PPP1R7: variants seen among roughly 807,000 people sequenced by gnomAD.
The protein encoded by PPP1R7 is protein phosphatase 1 regulatory subunit 22.
A neutral mutation model predicts 45.2 loss-of-function variants in PPP1R7; 18 were observed. The observed-to-expected ratio is 0.40, with a 90% CI of 0.28 to 0.59. PPP1R7 has a LOEUF of 0.59. PPP1R7 is among the 20% of genes least tolerant of loss of function. PPP1R7 has a pLI of 0.46. For missense variants in PPP1R7, 314 were observed against 455.8 expected (o/e 0.69, Z 2.83); for synonymous variants, 181 against 183.4 (o/e 0.99, Z 0.11).
upstream of PPP1R7, chr2:241,150,370 C>G (rs2067229646): frequency 2.2e-6 from 3 of 1,335,690 alleles, no homozygotes; most frequent in Non-Finnish European, 2.9e-6. Context: ...GCTGGGCCCA[C>G]GCAGGCGCGG....
chr2:241,149,576 G>A, upstream of PPP1R7: 1 of 1,410,808 alleles, frequency 7.1e-7, no homozygotes, highest in Non-Finnish European at 9.6e-7. Flanking sequence ...CCAGAGTCTA[G>A]AAGCCCGCGC....
At chr2:241,165,037 G>C (rs1355576682) in intron 7 of PPP1R7, among the ~76,000 whole-genome samples, 2 of 152,086 alleles carry the variant, frequency 1.3e-5, no homozygotes, top group Non-Finnish European at 2.9e-5. Flanking sequence ...GACAGAGCGA[G>C]AGTCCATCTC....
chr2:241,157,984 A>G, intron 3 of PPP1R7, 122 bp downstream of exon 3: 1 of 954,716 alleles, frequency 1.0e-6, no homozygotes, highest in Non-Finnish European at 1.6e-6. Flanking sequence ...TGGTTGAGTC[A>G]GAGTCCCGTG....
chr2:241,171,024 T>A (rs969301637), intron 9 of PPP1R7, among the ~76,000 whole-genome samples: 1 of 151,986 alleles, frequency 6.6e-6, no homozygotes, highest in Non-Finnish European at 1.5e-5. Context: ...ACAACAGGAA[T>A]AAGGAGTCCA....
At chr2:241,165,019 G>A (rs984417576) in intron 7 of PPP1R7, among the ~76,000 whole-genome samples, 3 of 152,132 alleles carry the variant, frequency 2.0e-5, no homozygotes, top group Non-Finnish European at 4.4e-5. Flanking sequence ...CTGCACTCCA[G>A]CCTGGGTGAC....
chr2:241,153,494 CTGAAGAATCCGGCGA>C lies in PPP1R7; in HGVS notation c.79_93del (p.Ser27_Glu31del). On this transcript the variant is annotated inframe_deletion, in exon 2 of 10. Transcript: ENST00000234038. ...GGTTCAGTTGACAGGCGGGTCGAGTCTGAAGAATCCGGCGATGAAGAAGGGAAGAAACACAGCAGT... is the reference window on the plus strand; with the variant it reads ...GGTTCAGTTGACAGGCGGGTCGAGTCTGAAGAAGGGAAGAAACACAGCAGT... 1 of 1,614,174 alleles carries C rather than the reference CTGAAGAATCCGGCGA, an allele frequency of 6.2e-7. No individual in the cohort carries two copies. The highest frequency in any genetic ancestry group is 8.5e-7 in the Non-Finnish European group (1 of 1,180,032).
At chr2:241,174,082 C>T (rs2067868171) in intron 9 of PPP1R7, among the ~76,000 whole-genome samples, 1 of 152,126 alleles carries the variant, frequency 6.6e-6, no homozygotes. Flanking sequence ...ACATACTGAA[C>T]TTTATCTGAC....
At chr2:241,150,006 G>C, upstream of PPP1R7, 3 of 1,404,630 alleles carry the variant, frequency 2.1e-6, no homozygotes, top group Non-Finnish European at 2.8e-6. Context: ...TGCTCTTGCC[G>C]TTCGGCCCAT....
chr2:241,169,774 C>T lies in PPP1R7; in HGVS notation c.820-7C>T. ...AATCCAGGAAACATTTTATTTCCTTCTTTTAGAACAAACTCACGATGTTGG... is the reference window on the plus strand; with the variant it reads ...AATCCAGGAAACATTTTATTTCCTTTTTTTAGAACAAACTCACGATGTTGG... On this transcript the variant is annotated splice_polypyrimidine_tract_variant and splice_region_variant and intron_variant, in intron 8 of 9. Coordinates refer to ENST00000234038, the MANE Select transcript of PPP1R7 (RefSeq NM_002712.3). The T allele has an allele frequency of 6.2e-7, 1 of 1,600,386 alleles. No homozygotes were observed. Among genetic ancestry groups the T allele is most frequent in the Non-Finnish European group, 8.6e-7 (1 of 1,167,632 alleles).
chr2:241,163,433 G>A (rs368461449), intron 7 of PPP1R7, 32 bp downstream of exon 7: 333 of 1,481,450 alleles, frequency 2.2e-4, no homozygotes, highest in South Asian at 5.2e-4. Context: ...CCTTCCCTGC[G>A]AGCCCTGGCA....
At chr2:241,178,605 C>T (rs571214560) in intron 9 of PPP1R7, among the ~76,000 whole-genome samples, 43 of 114,188 alleles carry the variant, frequency 3.8e-4, no homozygotes, top group Admixed American at 1.3e-3. Context: ...TACAGGTGCC[C>T]GCCACCACGC....
chr2:241,166,021 G>C (rs544424791), intron 7 of PPP1R7, among the ~76,000 whole-genome samples: 5 of 151,730 alleles, frequency 3.3e-5, no homozygotes, highest in African/African-American at 1.2e-4. Flanking sequence ...TCCTGCCTCA[G>C]CCTCCCGAGT....
intron 8 of PPP1R7, among the ~76,000 whole-genome samples, chr2:241,168,437 G>GC (rs2067758328): frequency 6.6e-6 from 1 of 152,200 alleles, no homozygotes; most frequent in Non-Finnish European, 1.5e-5. Flanking sequence ...AGAGTGCGGG[G>GC]GAGAGCTGCC....
At chr2:241,151,528 A>T (rs1011172216) in intron 1 of PPP1R7, 3 of 471,126 alleles carry the variant, frequency 6.4e-6, no homozygotes, top group African/African-American at 6.0e-5. Context: ...GAATCACTCA[A>T]GACGGAGAAA....
rs1332581410 is a variant in PPP1R7 at position 241,153,530 on chromosome 2, G to A, written c.107G>A (p.Ser36Asn). 1 of 1,614,138 alleles carries A rather than the reference G, an allele frequency of 6.2e-7. No homozygotes were observed. Among genetic ancestry groups the A allele is most frequent in the Admixed American group, 1.7e-5 (1 of 60,004 alleles). ...ESGDEEGKKH[S>N]SGIVADLSEQ... ...GGCGATGAAGAAGGGAAGAAACACA[G>A]CAGTGGCATCGTGGCCGACCTCAGT... Residue 36 changes from serine to asparagine, a missense_variant, in exon 2 of 10, where the codon AGC (serine) becomes AAC (asparagine). By Grantham distance (46) the Ser-to-Asn change is conservative (BLOSUM62 1). Coordinates refer to ENST00000234038, the MANE Select transcript of PPP1R7 (RefSeq NM_002712.3).
Position 241,150,503 on chromosome 2 carries a change from C to T in PPP1R7, c.8C>T (p.Ala3Val). 2 of 1,595,792 alleles carry T rather than the reference C, an allele frequency of 1.3e-6. No individual in the cohort carries two copies. The highest frequency in any genetic ancestry group is 1.7e-6 in the Non-Finnish European group (2 of 1,172,456). Residue 3 changes from alanine (A) to valine (V), a missense_variant, in exon 1 of 10, where the codon GCG becomes GTG. Physicochemically the swap from Ala to Val is moderately conservative, Grantham distance 64. This residue lies in a region of PPP1R7 where 34 missense variants were observed against 26.0 expected (regional missense o/e 1.31). Transcript: ENST00000234038. ...AGGGGAAGAGCAGCCAACATGGCGG[C>T]GGAACGCGGCGCGGGGCAGCAACAG... MA[A>V]ERGAGQQQSQ... is the part of the protein sequence containing the mutation.
chr2:241,155,677 C>T (rs892789324), intron 2 of PPP1R7, among the ~76,000 whole-genome samples: 1 of 152,192 alleles, frequency 6.6e-6, no homozygotes, highest in Non-Finnish European at 1.5e-5. Context: ...AACAAGACCC[C>T]TTAAAGCCAT....
At chr2:241,177,003 G>T (rs560610439) in intron 9 of PPP1R7, among the ~76,000 whole-genome samples, 12 of 152,292 alleles carry the variant, frequency 7.9e-5, no homozygotes, top group African/African-American at 2.9e-4. Context: ...GGCTGAGACG[G>T]GTGGGTCACC....
In PPP1R7 at chr2:241,183,101, C is replaced by G; in HGVS notation, c.*278C>G. On this transcript the variant is annotated 3_prime_UTR_variant, in exon 10 of 10. Transcript: ENST00000234038. ...CGTTGCGTTCATTCGCTAGAAATCC[C>G]TGTTTCCTTCTCTCAGAAGGCAGTC... The G allele has an allele frequency of 2.2e-6, 1 of 460,672 alleles. No individual in the cohort carries two copies. The highest frequency in any genetic ancestry group is 4.0e-6 in the Non-Finnish European group (1 of 249,054). The allele number at this position is 460,672 out of a possible 1,614,324, so 28.5% of individuals were successfully genotyped here.
Sources: allele counts gnomAD v4.1 joint callset (sites outside exome capture counted in the v4.1 genomes callset), GRCh38; gene constraint gnomAD v4.1.1; regional missense constraint gnomAD v4.1.1; transcripts MANE v1.5; gene names NCBI Gene and HGNC (gene_info 2026-07-23, HGNC 2026-07-21).